Variants in SHANK2 observed in about 807,000 individuals in gnomAD.
SHANK2 encodes SH3 and multiple ankyrin repeat domains 2.
Under a neutral mutation model 133.7 loss-of-function variants are expected in SHANK2, and 43 were observed. The ratio of observed to expected loss-of-function variants is 0.32; its 90% CI spans 0.25 to 0.41. SHANK2 has a LOEUF of 0.41. SHANK2 is among the 10% of genes least tolerant of loss of function. The pLI is 1.00. For synonymous variants in SHANK2, 1,017 were observed against 952.8 expected, an observed-to-expected ratio of 1.07 and a Z score of -1.24; for missense variants, 1,994 against 2,235.8, an observed-to-expected ratio of 0.89 and a Z score of 2.18.
Position 71,238,217 on chromosome 11 carries a change from C to G in SHANK2, c.-112-13421G>C, listed in dbSNP as rs563664077. 3.9e-5 allele frequency among the ~76,000 whole-genome samples: 6 copies of G among 152,342 alleles called. No homozygotes were observed. The East Asian group carries it at 9.6e-4, about 24-fold the overall frequency. On this transcript the variant is annotated intron_variant, in intron 1 of 25. Transcript: ENST00000601538. ...CCAGCATTCCCTGCTCTGCCTGTAA[C>G]AGGACCTGTGTGCAAACCTGAGGTC...
intron 2 of SHANK2, among the ~76,000 whole-genome samples, chr11:71,194,445 C>A (rs1953857397): frequency 6.6e-6 from 1 of 152,240 alleles, no homozygotes; most frequent in South Asian, 2.1e-4. Flanking sequence ...CGCCACTCAC[C>A]TGCACTTCTT....
intron 17 of SHANK2, among the ~76,000 whole-genome samples, chr11:70,507,008 G>C (rs1383643219): frequency 6.6e-6 from 1 of 152,244 alleles, no homozygotes; most frequent in Non-Finnish European, 1.5e-5. Flanking sequence ...TTTTAACTTA[G>C]CTGTCACAAT....
At chr11:71,128,110 G>T (rs1475239234) in intron 3 of SHANK2, among the ~76,000 whole-genome samples, 1 of 152,212 alleles carries the variant, frequency 6.6e-6, no homozygotes, top group Non-Finnish European at 1.5e-5. Flanking sequence ...CGGCCCTCAG[G>T]CCAGCTGACT....
chr11:70,502,394 G>T, intron 18 of SHANK2, 108 bp from the exon 19 acceptor site: 1 of 1,008,476 alleles, frequency 9.9e-7, no homozygotes, highest in Non-Finnish European at 1.5e-6. Context: ...AGGCTGTTTG[G>T]CTGCGGTGGT....
chr11:70,820,828 C>A (rs1177068630), intron 11 of SHANK2, 146 bp from the exon 12 acceptor site: 3 of 543,822 alleles, frequency 5.5e-6, no homozygotes, highest in African/African-American at 1.9e-5. Context: ...GGGCCGAGAC[C>A]CCAGCTGGAC....
At chr11:70,548,422 C>T (rs533796736) in intron 17 of SHANK2, among the ~76,000 whole-genome samples, 88 of 152,336 alleles carry the variant, frequency 5.8e-4, no homozygotes, top group African/African-American at 1.8e-3. Flanking sequence ...CCCGTCCACC[C>T]GCCACTTCCC....
intron 11 of SHANK2, among the ~76,000 whole-genome samples, chr11:70,849,273 C>T (rs1163629647): frequency 3.9e-5 from 6 of 152,110 alleles, no homozygotes; most frequent in Admixed American, 2.0e-4. Flanking sequence ...CAGTGAGACC[C>T]CATCTCAATA....
intron 8 of SHANK2, among the ~76,000 whole-genome samples, chr11:71,076,916 C>A (rs946410168): frequency 6.6e-4 from 101 of 152,222 alleles, no homozygotes; most frequent in African/African-American, 2.4e-3. Context: ...GAGTGGGGAG[C>A]AGAAAAGTGA....
chr11:70,794,570 T>C (rs1947868616), intron 14 of SHANK2, among the ~76,000 whole-genome samples: 1 of 152,150 alleles, frequency 6.6e-6, no homozygotes, highest in Non-Finnish European at 1.5e-5. Flanking sequence ...TTTTATATAT[T>C]TTTTGAGATG....
At chr11:71,141,290 C>T (rs1555105725) in intron 3 of SHANK2, among the ~76,000 whole-genome samples, 3 of 151,700 alleles carry the variant, frequency 2.0e-5, no homozygotes, top group Non-Finnish European at 2.9e-5. Context: ...GTCAGGCGTT[C>T]GAGACCAGCC....
At chr11:70,844,644 C>T (rs370912603) in intron 11 of SHANK2, among the ~76,000 whole-genome samples, 2 of 152,216 alleles carry the variant, frequency 1.3e-5, no homozygotes, top group East Asian at 1.9e-4. Context: ...TGTTCTTTTA[C>T]ATGACAAATT....
At chr11:70,513,178 A>G (rs1174759148) in intron 17 of SHANK2, among the ~76,000 whole-genome samples, 1 of 151,916 alleles carries the variant, frequency 6.6e-6, no homozygotes, top group Non-Finnish European at 1.5e-5. Flanking sequence ...TTTTTTTTAA[A>G]TCCAGATCCT....
chr11:70,650,793 G>A (rs1357177902), intron 17 of SHANK2, among the ~76,000 whole-genome samples: 2 of 152,142 alleles, frequency 1.3e-5, no homozygotes, highest in East Asian at 3.9e-4. Flanking sequence ...GATTTACTTT[G>A]GGGCCTTCAC....
intron 10 of SHANK2, among the ~76,000 whole-genome samples, chr11:70,927,135 T>C (rs1590841136): frequency 1.3e-5 from 2 of 152,156 alleles, no homozygotes; most frequent in African/African-American, 4.8e-5. Context: ...TTTAAAAAAA[T>C]AAGGGCCTAG....
At chr11:70,693,062 T>A (rs1175430241) in intron 15 of SHANK2, among the ~76,000 whole-genome samples, 5 of 152,132 alleles carry the variant, frequency 3.3e-5, no homozygotes, top group Non-Finnish European at 7.3e-5. Flanking sequence ...CACCTCCATG[T>A]CCATGCCCCT....
chr11:70,506,702 G>A (rs1482358617), intron 17 of SHANK2, among the ~76,000 whole-genome samples: 1 of 152,176 alleles, frequency 6.6e-6, no homozygotes, highest in Non-Finnish European at 1.5e-5. Context: ...ATGGAGGGAT[G>A]GTATCCGGTG....
At chr11:71,213,833 A>T (rs1301127284) in intron 2 of SHANK2, among the ~76,000 whole-genome samples, 1 of 152,180 alleles carries the variant, frequency 6.6e-6, no homozygotes, top group Non-Finnish European at 1.5e-5. Context: ...GGACGTTTTG[A>T]CATCTAGGGG....
rs369947648 is a variant in SHANK2, at chr11:71,218,368, G to A, written c.-13+6329C>T. Among the ~76,000 whole-genome samples the A allele has an allele frequency of 2.5e-3, 358 of 145,990 alleles. 1 individual carries two copies. Among genetic ancestry groups the A allele is most frequent in the African/African-American group, 6.7e-3 (267 of 39,572 alleles). On this transcript the variant is annotated intron_variant, in intron 2 of 25. Transcript: ENST00000601538. ...CAACCTGCGCCTCCCAGGTTCAAGC[G>A]ATTCTCCTGCCTCAGCCTCCAAGTA... is the stretch of plus-strand genomic sequence containing the variant.
intron 19 of SHANK2, 106 bp downstream of exon 19, chr11:70,502,100 G>A (rs568687126): frequency 3.0e-6 from 4 of 1,353,400 alleles, no homozygotes; most frequent in South Asian, 1.3e-5. Flanking sequence ...GGGCAGGAGG[G>A]GGGTAGCGAG....
Sources: gnomAD v4.1 joint callset for allele counts (sites outside exome capture counted in the v4.1 genomes callset) on GRCh38, gnomAD v4.1.1 for gene constraint, MANE v1.5 for transcripts, NCBI Gene and HGNC (gene_info 2026-07-23, HGNC 2026-07-21) for gene names.